The following ANKHD1 variants were observed in gnomAD, a reference collection of about 807,000 sequenced individuals.
The protein encoded by ANKHD1 is ankyrin repeat and KH domain-containing protein 1.
In ANKHD1, 31 loss-of-function variants were observed where a neutral mutation model predicts 230.5. That is an observed-to-expected ratio of 0.13 (90% CI 0.10 to 0.18). The LOEUF (loss-of-function observed/expected upper bound fraction) is 0.18. Ranked by LOEUF, ANKHD1 falls within the 10% of genes least tolerant of loss-of-function variation. The pLI is 1.00. For synonymous variants in ANKHD1, 1,074 were observed against 1,117.6 expected, an observed-to-expected ratio of 0.96 and a Z score of 0.78; for missense variants, 2,256 against 3,071.3, an observed-to-expected ratio of 0.73 and a Z score of 6.27.
intron 10 of ANKHD1, chr5:140,472,146 A>G: frequency 1.0e-6 from 1 of 996,128 alleles, no homozygotes; most frequent in Non-Finnish European, 1.6e-6. Flanking sequence ...AACAAAGCCC[A>G]CCATCTGAAG....
intron 7 of ANKHD1, among the ~76,000 whole-genome samples, chr5:140,452,590 G>T (rs972905854): frequency 3.3e-5 from 5 of 152,288 alleles, no homozygotes; most frequent in Admixed American, 3.3e-4. Flanking sequence ...TGCCTCCGCT[G>T]CTGATACCCA....
intron 15 of ANKHD1, among the ~76,000 whole-genome samples, chr5:140,502,048 A>T (rs1053355003): frequency 1.3e-5 from 2 of 151,994 alleles, no homozygotes; most frequent in Non-Finnish European, 2.9e-5. Flanking sequence ...TAAAAAAAAA[A>T]AAAAAAAGCA....
At chr5:140,406,200 T>C (rs1322533679) in intron 1 of ANKHD1, among the ~76,000 whole-genome samples, 1 of 150,960 alleles carries the variant, frequency 6.6e-6, no homozygotes, top group Non-Finnish European at 1.5e-5. Flanking sequence ...ATCACGCCAC[T>C]GCCCTCCAGG....
chr5:140,532,501 T>A (rs972551576), intron 29 of ANKHD1, among the ~76,000 whole-genome samples: 8 of 152,070 alleles, frequency 5.3e-5, no homozygotes, highest in African/African-American at 1.9e-4. Flanking sequence ...AGTGGCGTGA[T>A]CATGGCTCAC....
At chr5:140,453,093 C>T (rs918071372) in intron 7 of ANKHD1, among the ~76,000 whole-genome samples, 14 of 152,140 alleles carry the variant, frequency 9.2e-5, no homozygotes, top group African/African-American at 3.1e-4. Flanking sequence ...GTAGCCGATT[C>T]GATCAACTGG....
intron 29 of ANKHD1, among the ~76,000 whole-genome samples, chr5:140,534,634 A>G (rs974400791): frequency 6.6e-6 from 1 of 152,210 alleles, no homozygotes; most frequent in Non-Finnish European, 1.5e-5. Context: ...AAGTCTGAAA[A>G]TAAGACCTGC....
intron 14 of ANKHD1, among the ~76,000 whole-genome samples, chr5:140,488,897 G>A (rs1751631659): frequency 6.6e-6 from 1 of 151,658 alleles, no homozygotes; most frequent in Non-Finnish European, 1.5e-5. Flanking sequence ...GAGACTCTCA[G>A]AAAAAAATTA....
chr5:140,504,664 A>C (rs1465967732), intron 15 of ANKHD1, 157 bp from the exon 16 acceptor site: 1 of 987,658 alleles, frequency 1.0e-6, no homozygotes, highest in African/African-American at 1.7e-5. Flanking sequence ...TCAGTGTTGG[A>C]ACTAATATTT....
chr5:140,511,424 C>T (rs1000394411), intron 22 of ANKHD1, among the ~76,000 whole-genome samples: 2 of 152,160 alleles, frequency 1.3e-5, no homozygotes, highest in Admixed American at 6.5e-5. Flanking sequence ...CCTAGCTCAC[C>T]TCTCTACTCA....
intron 10 of ANKHD1, among the ~76,000 whole-genome samples, chr5:140,469,140 T>G (rs1010666021): frequency 6.6e-6 from 1 of 151,642 alleles, no homozygotes; most frequent in Non-Finnish European, 1.5e-5. Flanking sequence ...CCCTCCTTCC[T>G]TCTTCTTCCT....
intron 29 of ANKHD1, among the ~76,000 whole-genome samples, chr5:140,535,005 G>T (rs1754009439): frequency 6.6e-6 from 1 of 152,192 alleles, no homozygotes; most frequent in African/African-American, 2.4e-5. Context: ...AGGAGTTATT[G>T]TTGGGTGCTA....
intron 10 of ANKHD1, among the ~76,000 whole-genome samples, chr5:140,479,758 C>A (rs892706066): frequency 2.1e-5 from 3 of 145,284 alleles, no homozygotes; most frequent in Admixed American, 6.9e-5. Flanking sequence ...ATATATATAC[C>A]TATGTATGTA....
At chr5:140,443,339 A>G (rs1454158296) in intron 5 of ANKHD1, among the ~76,000 whole-genome samples, 3 of 152,158 alleles carry the variant, frequency 2.0e-5, no homozygotes, top group Non-Finnish European at 2.9e-5. Context: ...AGATGATAAA[A>G]TCAATTGCTT....
chr5:140,478,792 G>A (rs1751102626), intron 10 of ANKHD1, among the ~76,000 whole-genome samples: 1 of 150,224 alleles, frequency 6.7e-6, no homozygotes, highest in Admixed American at 6.6e-5. Context: ...TTACAGGCAT[G>A]CACCACCTTG....
intron 24 of ANKHD1, among the ~76,000 whole-genome samples, chr5:140,520,783 G>A (rs969513155): frequency 1.3e-4 from 17 of 133,362 alleles, no homozygotes; most frequent in Non-Finnish European, 2.2e-4. Context: ...CTGTTGTGGG[G>A]TGGGGGGGAG....
In ANKHD1 at chr5:140,535,429, C is replaced by A. The variant is rs1229122388; in HGVS notation, c.6918C>A (p.Ser2306=). ...CTTCTGCTCCTCTGGCAAGTTTTTCCGGCATACCAGGAACAAGGGTTTTCC... is the reference window on the plus strand; with the variant it reads ...CTTCTGCTCCTCTGGCAAGTTTTTCAGGCATACCAGGAACAAGGGTTTTCC... ...SSSSAPLASF[S]GIPGTRVFLQ... Residue 2306 remains serine, a synonymous_variant, in exon 30 of 34, where the codon TCC becomes TCA. Transcript: ENST00000360839. 2 of 1,613,692 alleles carry A rather than the reference C, an allele frequency of 1.2e-6. No homozygotes were observed. Among genetic ancestry groups the A allele is most frequent in the Non-Finnish European group, 1.7e-6 (2 of 1,179,832 alleles).
At chr5:140,495,140 G>A (rs1248469895) in intron 14 of ANKHD1, among the ~76,000 whole-genome samples, 1 of 151,912 alleles carries the variant, frequency 6.6e-6, no homozygotes, top group East Asian at 1.9e-4. Context: ...ATTACACAAT[G>A]TGTGGTCTTT....
chr5:140,406,650 T>C (rs1770481967), intron 1 of ANKHD1, among the ~76,000 whole-genome samples: 1 of 151,912 alleles, frequency 6.6e-6, no homozygotes, highest in South Asian at 2.1e-4. Flanking sequence ...ATTCAAGTGA[T>C]TCTCCTGCCT....
intron 1 of ANKHD1, among the ~76,000 whole-genome samples, chr5:140,421,628 TAAG>T (rs1292041975): frequency 1.3e-5 from 2 of 152,124 alleles, no homozygotes; most frequent in Non-Finnish European, 2.9e-5. Context: ...AACACCTGCT[TAAG>T]GAGGTGTAAA....
Sources: gnomAD v4.1 joint callset for allele counts (sites outside exome capture counted in the v4.1 genomes callset) on GRCh38, gnomAD v4.1.1 for gene constraint, MANE v1.5 for transcripts, NCBI Gene and HGNC (gene_info 2026-07-23, HGNC 2026-07-21) for gene names.